Variants in WHAMM observed in about 807,000 individuals in gnomAD.
The protein encoded by WHAMM is WASP homolog associated with actin, golgi membranes and microtubules.
In WHAMM, 67 loss-of-function variants were observed where a neutral mutation model predicts 76.5. The ratio of observed to expected loss-of-function variants is 0.88; its 90% confidence interval spans 0.72 to 1.07. The LOEUF (loss-of-function observed/expected upper bound fraction) is 1.07, where lower values mean the gene tolerates loss of function less well. Among genes scored for constraint, WHAMM ranks in the 50% least tolerant of loss-of-function variants. WHAMM has a pLI of 0.00. For missense variants in WHAMM, 1,021 were observed against 1,051.1 expected, an observed-to-expected ratio of 0.97 and a Z score of 0.40; for synonymous variants, 419 against 422.1, an observed-to-expected ratio of 0.99 and a Z score of 0.09.
chr15:82,831,158 T>C, intron 9 of WHAMM, 79 bp downstream of exon 9: 1 of 1,520,520 alleles, frequency 6.6e-7, no homozygotes. Flanking sequence ...AGCCATCATC[T>C]TCAAATGGAA....
At chr15:82,828,635 C>G (rs1353317289) in intron 8 of WHAMM, among the ~76,000 whole-genome samples, 1 of 152,214 alleles carries the variant, frequency 6.6e-6, no homozygotes, top group Non-Finnish European at 1.5e-5. Flanking sequence ...CAGAAGATTA[C>G]TTTTTCATGT....
chr15:82,813,116 A>G lies in WHAMM; in HGVS notation c.623A>G (p.His208Arg). 6.2e-7 allele frequency: 1 copy of G among 1,602,060 alleles called. No homozygotes were observed. Among genetic ancestry groups the G allele is most frequent in the Non-Finnish European group, 8.5e-7 (1 of 1,176,498 alleles). ...TTTGCTTTCTAGGTTATTCAAGGAC[A>G]CGGAAAAGCCAACACCATGGTAGCA... ...DARLRQVIQG[H>R]GKANTMVALM... Residue 208 changes from histidine (H) to arginine (R), a missense_variant, in exon 2 of 10, where the codon CAC becomes CGC. This residue lies in a region of WHAMM where 501 missense variants were observed against 524.9 expected (regional missense o/e 0.95). Coordinates refer to ENST00000286760, the MANE Select transcript of WHAMM (RefSeq NM_001080435.3).
intron 8 of WHAMM, among the ~76,000 whole-genome samples, 183 bp from the exon 9 acceptor site, chr15:82,830,416 A>T (rs1356260867): frequency 3.9e-5 from 6 of 152,132 alleles, no homozygotes; most frequent in African/African-American, 1.4e-4. Context: ...ATAAATGCTT[A>T]TCTTTTTTTT....
Position 82,813,229 on chromosome 15 carries a change from T to A in WHAMM, c.736T>A (p.Phe246Ile), listed in dbSNP as rs375335167. The A allele has an allele frequency of 2.6e-5, 42 of 1,601,186 alleles. No homozygotes were observed. The African/African-American group carries it at 5.5e-4, about 21-fold the overall frequency. The change falls in exon 2 of 10, where the codon TTT (phenylalanine) becomes ATT (isoleucine). Residue 246 changes from phenylalanine to isoleucine, a missense_variant. By Grantham distance (21) the Phe-to-Ile change is conservative. Transcript: ENST00000286760. The stretch of plus-strand genomic sequence containing the variant: ...GTTCTTCCAGTACTTATTGCAGCCA[T>A]TTAGGGCTATGCGAGAAGTTGCAAC... ...TMFFQYLLQP[F>I]RAMREVATLC...
At chr15:82,818,184 C>T (rs2050759654) in intron 4 of WHAMM, 95 bp downstream of exon 4, 2 of 1,347,126 alleles carry the variant, frequency 1.5e-6, no homozygotes, top group Non-Finnish European at 2.0e-6. Context: ...GTTTTTGTTC[C>T]ATGGATATAT....
intron 2 of WHAMM, 41 bp from the exon 3 acceptor site, chr15:82,816,651 C>T (rs767173022): frequency 1.3e-5 from 20 of 1,519,808 alleles, no homozygotes; most frequent in African/African-American, 7.0e-5. Context: ...CTCTACATAA[C>T]TATTAGCTCT....
At position 82,833,279 on chromosome 15, in the gene WHAMM, C is replaced by T. The variant is rs185529473; in HGVS notation, c.2173C>T (p.Arg725Trp). Residue 725 changes from arginine (R) to tryptophan (W), a missense_variant, in exon 10 of 10, where the codon CGG (arginine) becomes TGG (tryptophan). Around this residue, in one of 3 missense-constraint regions of WHAMM, gnomAD observed 509 missense variants for 492.3 expected, o/e 1.03. Coordinates refer to ENST00000286760, the MANE Select transcript of WHAMM (RefSeq NM_001080435.3). ...CTTAAGGCATGGCAGAGCTCCTCTC[C>T]GGAAGGTGGAAGTGCCGGCGGTGCG... is the stretch of plus-strand genomic sequence containing the variant. Reference protein sequence around the residue: ...ASLRHGRAPLRKVEVPAVRPP... With the variant: ...ASLRHGRAPLWKVEVPAVRPP... The T allele has an allele frequency of 4.2e-5, 67 of 1,613,998 alleles. No individual in the cohort carries two copies. The highest frequency in any genetic ancestry group is 1.6e-4 in the Middle Eastern group (1 of 6,062).
intron 6 of WHAMM, among the ~76,000 whole-genome samples, chr15:82,825,274 C>T (rs2050911549): frequency 6.6e-6 from 1 of 151,850 alleles, no homozygotes; most frequent in Non-Finnish European, 1.5e-5. Flanking sequence ...TTTCAGAAAA[C>T]CCATGAGCCC....
At chr15:82,815,387 T>C (rs2050711060) in intron 2 of WHAMM, among the ~76,000 whole-genome samples, 1 of 152,026 alleles carries the variant, frequency 6.6e-6, no homozygotes, top group Non-Finnish European at 1.5e-5. Context: ...CTAATCCACG[T>C]TGGAGCAAAT....
rs1266272829 is a variant in WHAMM, at chr15:82,813,151, G to A, written c.658G>A (p.Val220Ile). ...KANTMVALMN[V>I]YQEEDEAYQE... ...CAACACCATGGTAGCATTAATGAACGTTTACCAAGAGGAAGATGAAGCATA... is the reference window on the plus strand; with the variant it reads ...CAACACCATGGTAGCATTAATGAACATTTACCAAGAGGAAGATGAAGCATA... Residue 220 changes from valine to isoleucine, a missense_variant, in exon 2 of 10, where the codon GTT (valine) becomes ATT (isoleucine). Physicochemically the swap from Val to Ile is conservative, Grantham distance 29. This residue lies in a region of WHAMM where 501 missense variants were observed against 524.9 expected (regional missense o/e 0.95). Transcript: ENST00000286760. The A allele has an allele frequency of 1.7e-5, 27 of 1,609,276 alleles. No homozygotes were observed. Among genetic ancestry groups the A allele is most frequent in the Middle Eastern group, 1.8e-4 (1 of 5,696 alleles).
intron 1 of WHAMM, among the ~76,000 whole-genome samples, chr15:82,811,883 T>TA (rs1207612715): frequency 6.6e-6 from 1 of 152,110 alleles, no homozygotes; most frequent in Non-Finnish European, 1.5e-5. Flanking sequence ...ATTACCTGGA[T>TA]AAAAAACTAT....
At chr15:82,830,177 T>C (rs28739517) in intron 8 of WHAMM, among the ~76,000 whole-genome samples, 77 of 151,942 alleles carry the variant, frequency 5.1e-4, no homozygotes, top group African/African-American at 1.8e-3. Context: ...GGCGTTGTAC[T>C]ATTTATCACT....
At chr15:82,814,971 C>T (rs2050695435) in intron 2 of WHAMM, among the ~76,000 whole-genome samples, 2 of 149,220 alleles carry the variant, frequency 1.3e-5, no homozygotes, top group South Asian at 4.3e-4. Flanking sequence ...GGGGTTTCAA[C>T]ATGTTAGCCA....
Position 82,833,364 on chromosome 15 carries a change from T to G in WHAMM, c.2258T>G (p.Leu753Arg). The G allele has an allele frequency of 1.2e-6, 2 of 1,614,004 alleles. No homozygotes were observed. Among genetic ancestry groups the G allele is most frequent in the Non-Finnish European group, 1.7e-6 (2 of 1,179,890 alleles). ...ILAAIRQGVK[L>R]KKVHPDLGPN... The stretch of plus-strand genomic sequence containing the variant: ...GCTGCCATAAGGCAAGGGGTCAAAC[T>G]GAAGAAAGTTCACCCTGATCTTGGC... Residue 753 changes from leucine to arginine, a missense_variant, in exon 10 of 10, where the codon CTG (leucine) becomes CGG (arginine). Leu to Arg is a moderately radical substitution (Grantham distance 102, BLOSUM62 -2). Coordinates refer to ENST00000286760, the MANE Select transcript of WHAMM (RefSeq NM_001080435.3).
chr15:82,822,572 G>A (rs1381657655), intron 5 of WHAMM, among the ~76,000 whole-genome samples: 4 of 152,138 alleles, frequency 2.6e-5, no homozygotes, highest in Admixed American at 2.0e-4. Flanking sequence ...CAGGTAGCTC[G>A]GATTATAGGC....
At chr15:82,821,897 A>C (rs2050834944) in intron 5 of WHAMM, among the ~76,000 whole-genome samples, 1 of 152,204 alleles carries the variant, frequency 6.6e-6, no homozygotes, top group Non-Finnish European at 1.5e-5. Flanking sequence ...AAGTTTAATA[A>C]ATTTCTTCAC....
rs139061517 is a variant in WHAMM at position 82,830,720 on chromosome 15, C to T, written c.1763C>T (p.Pro588Leu). ...PASHAVSVIH[P>L]SSRKTRGVPL... ...TCCCACGCGGTGTCAGTAATTCACC[C>T]GTCCTCTAGGAAAACTAGAGGTGTT... Residue 588 changes from proline to leucine, a missense_variant, in exon 9 of 10, where the codon CCG becomes CTG. Coordinates refer to ENST00000286760, the MANE Select transcript of WHAMM (RefSeq NM_001080435.3). 0.014 allele frequency: 22,641 copies of T among 1,613,940 alleles called. 211 individuals are homozygous for T. The highest frequency in any genetic ancestry group is 0.017 in the Non-Finnish European group (20,583 of 1,179,880).
At chr15:82,829,706 G>GGT (rs1445253679) in intron 8 of WHAMM, among the ~76,000 whole-genome samples, 1 of 151,490 alleles carries the variant, frequency 6.6e-6, no homozygotes, top group Admixed American at 6.6e-5. Context: ...GCATGGGGGG[G>GGT]GTGTGTGTGT....
intron 6 of WHAMM, among the ~76,000 whole-genome samples, chr15:82,825,340 C>T (rs988797460): frequency 6.6e-5 from 10 of 152,092 alleles, no homozygotes; most frequent in African/African-American, 2.4e-4. Context: ...GATGCCTCCA[C>T]CTCCTTGGCA....
Sources: allele counts gnomAD v4.1 joint callset (sites outside exome capture counted in the v4.1 genomes callset), GRCh38; gene constraint gnomAD v4.1.1; regional missense constraint gnomAD v4.1.1; transcripts MANE v1.5; gene names NCBI Gene and HGNC (gene_info 2026-07-23, HGNC 2026-07-21).